The following MCUB variants were observed in gnomAD, a reference collection of about 807,000 sequenced individuals.
MCUB encodes calcium uniporter regulatory subunit MCUb, mitochondrial.
In MCUB, 46 loss-of-function variants were observed where a neutral mutation model predicts 41.4. The observed-to-expected ratio is 1.11, with a 90% CI of 0.88 to 1.42. MCUB has a LOEUF of 1.42. MCUB is among the 40% of genes most tolerant of loss of function. The probability of loss-of-function intolerance (pLI) is 0.00; values close to 1 mark genes in which losing one functional copy is unlikely to be tolerated. For missense variants in MCUB, 403 were observed against 404.9 expected, an observed-to-expected ratio of 1.00 and a Z score of 0.04; for synonymous variants, 148 against 148.2, an observed-to-expected ratio of 1.00 and a Z score of 0.01.
chr4:109,609,552 TC>T (rs1727953241), intron 1 of MCUB, among the ~76,000 whole-genome samples: 1 of 152,154 alleles, frequency 6.6e-6, no homozygotes, highest in Admixed American at 6.5e-5. Flanking sequence ...TGTGCCGACC[TC>T]CTATCTCATT....
At chr4:109,682,854 C>T (rs148677730) in intron 5 of MCUB, 112 bp downstream of exon 5, 22 of 774,576 alleles carry the variant, frequency 2.8e-5, no homozygotes, top group South Asian at 3.9e-5. Flanking sequence ...TTCTCCTTTA[C>T]GCCTCACAAA....
chr4:109,584,448 C>T lies in MCUB; in HGVS notation c.99+24012C>T, dbSNP rs181635439. On this transcript the variant is annotated intron_variant, in intron 1 of 7. Coordinates refer to ENST00000394650, the MANE Select transcript of MCUB (RefSeq NM_017918.5). Reference sequence around the variant, plus strand: ...TCTGAAGGGTTTTTTGTGTCTCTGTCTCCTTCAGTTCTGCTCTGATCTTAG... The same window carrying T: ...TCTGAAGGGTTTTTTGTGTCTCTGTTTCCTTCAGTTCTGCTCTGATCTTAG... 5.8e-3 allele frequency among the ~76,000 whole-genome samples: 880 copies of T among 152,094 alleles called. 8 individuals are homozygous for T. The highest frequency in any genetic ancestry group is 0.021 in the African/African-American group (857 of 41,510).
chr4:109,684,736 C>T, intron 6 of MCUB, 90 bp downstream of exon 6: 1 of 659,862 alleles, frequency 1.5e-6, no homozygotes, highest in Middle Eastern at 4.3e-4. Flanking sequence ...TTTTTATTTA[C>T]TGAATTACTG....
chr4:109,588,144 G>T (rs534394582), intron 1 of MCUB, among the ~76,000 whole-genome samples: 96 of 152,128 alleles, frequency 6.3e-4, no homozygotes, highest in Non-Finnish European at 8.1e-4. Context: ...TTTTATGATG[G>T]CCTCTTCACA....
At chr4:109,659,564 AAC>A (rs1161051613) in intron 2 of MCUB, among the ~76,000 whole-genome samples, 10 of 152,328 alleles carry the variant, frequency 6.6e-5, no homozygotes, top group Admixed American at 1.3e-4. Context: ...CAGTTTGGGC[AAC>A]AGAGTGAGAC....
intron 6 of MCUB, chr4:109,684,971 T>C (rs529440991): frequency 2.6e-6 from 1 of 389,812 alleles, no homozygotes; most frequent in East Asian, 4.3e-5. Flanking sequence ...TCATGGTTAT[T>C]TAATATGCCA....
At chr4:109,602,864 T>A (rs1727774338) in intron 1 of MCUB, among the ~76,000 whole-genome samples, 1 of 152,220 alleles carries the variant, frequency 6.6e-6, no homozygotes, top group South Asian at 2.1e-4. Context: ...CCTTTTTTGG[T>A]GTCCGCTTCT....
intron 1 of MCUB, among the ~76,000 whole-genome samples, chr4:109,635,070 G>A (rs578039294): frequency 6.6e-6 from 1 of 152,080 alleles, no homozygotes; most frequent in Admixed American, 6.5e-5. Flanking sequence ...TTCTGTTCCT[G>A]TGTTAGTTTG....
chr4:109,593,300 A>G (rs774456174), intron 1 of MCUB, among the ~76,000 whole-genome samples: 7 of 142,558 alleles, frequency 4.9e-5, no homozygotes, highest in Non-Finnish European at 1.1e-4. Context: ...GGATAATAAG[A>G]AACAGTATAG....
intron 1 of MCUB, among the ~76,000 whole-genome samples, chr4:109,600,139 G>A (rs1317185992): frequency 1.3e-5 from 2 of 152,204 alleles, no homozygotes; most frequent in Non-Finnish European, 2.9e-5. Context: ...TGGAAATATA[G>A]GTTTTTAATG....
chr4:109,560,826 C>T (rs902136991), intron 1 of MCUB, among the ~76,000 whole-genome samples: 8 of 152,140 alleles, frequency 5.3e-5, no homozygotes, highest in African/African-American at 1.9e-4. Flanking sequence ...CCGGTTCCCT[C>T]TTGGTGATCA....
At chr4:109,633,686 A>G (rs1325704481) in intron 1 of MCUB, among the ~76,000 whole-genome samples, 2 of 152,170 alleles carry the variant, frequency 1.3e-5, no homozygotes, top group Non-Finnish European at 2.9e-5. Context: ...CAACTGTGCT[A>G]CCCCATGTGG....
At chr4:109,644,876 A>T (rs569182720) in intron 1 of MCUB, among the ~76,000 whole-genome samples, 1 of 152,334 alleles carries the variant, frequency 6.6e-6, no homozygotes, top group Admixed American at 6.5e-5. Context: ...TGTATTATCA[A>T]ACTTCTTTGG....
chr4:109,560,552 C>T, intron 1 of MCUB, 116 bp downstream of exon 1: 1 of 492,656 alleles, frequency 2.0e-6, no homozygotes, highest in Non-Finnish European at 3.2e-6. Flanking sequence ...GTTTTGCTGG[C>T]TGCCGGGCTC....
At chr4:109,665,491 C>G (rs894339626) in intron 4 of MCUB, among the ~76,000 whole-genome samples, 1 of 152,048 alleles carries the variant, frequency 6.6e-6, no homozygotes, top group Non-Finnish European at 1.5e-5. Flanking sequence ...GCAAACTCTA[C>G]CAAACTCTAC....
chr4:109,562,622 A>G (rs150069539), intron 1 of MCUB, among the ~76,000 whole-genome samples: 14 of 152,280 alleles, frequency 9.2e-5, no homozygotes, highest in African/African-American at 3.4e-4. Flanking sequence ...TCCCAGAAAC[A>G]TTCAGACCCC....
rs769291159 is a variant in MCUB at position 109,687,521 on chromosome 4, GA to G, written c.942del (p.Glu314AspfsTer3). ...TTTCTTTTTCCCATGACAGGCTAAA[GA>G]ATCCCTGAAACAGGCGCGTCATTCT... ...KLKEDLAKAKESLKQARHSLC... is the reference protein window; with the variant it reads ...KLKEDLAKAKXSLKQARHSLC... On this transcript the variant is annotated frameshift_variant, in exon 8 of 8. Transcript: ENST00000394650. LOFTEE classifies it low-confidence loss of function (END_TRUNC). 1 of 1,610,508 alleles carries G rather than the reference GA, an allele frequency of 6.2e-7. No individual in the cohort carries two copies. Among genetic ancestry groups the G allele is most frequent in the Non-Finnish European group, 8.5e-7 (1 of 1,177,416 alleles).
chr4:109,598,230 A>G (rs1340850230), intron 1 of MCUB, among the ~76,000 whole-genome samples: 4 of 150,960 alleles, frequency 2.6e-5, no homozygotes, highest in South Asian at 2.1e-4. Context: ...GCACTTTGGG[A>G]GGCCAAGGCA....
chr4:109,587,507 A>G (rs986806318), intron 1 of MCUB, among the ~76,000 whole-genome samples: 10 of 152,230 alleles, frequency 6.6e-5, no homozygotes, highest in African/African-American at 2.4e-4. Context: ...CAGGTACCTC[A>G]GTTGGAAATG....
Sources: allele counts gnomAD v4.1 joint callset (sites outside exome capture counted in the v4.1 genomes callset), GRCh38; gene constraint gnomAD v4.1.1; transcripts MANE v1.5; gene names NCBI Gene and HGNC (gene_info 2026-07-23, HGNC 2026-07-21).